The following VPS37A variants were observed in gnomAD, a reference collection of about 807,000 sequenced individuals.
VPS37A encodes vacuolar protein sorting-associated protein 37A.
A neutral mutation model predicts 49.8 loss-of-function variants in VPS37A; 30 were observed. The observed-to-expected ratio is 0.60, with a 90% CI of 0.45 to 0.82. VPS37A has a LOEUF of 0.82. Among genes scored for constraint, VPS37A ranks in the 40% least tolerant of loss-of-function variants. The pLI is 0.00. For missense variants in VPS37A, 593 were observed against 464.4 expected, an observed-to-expected ratio of 1.28 and a Z score of -2.55; for synonymous variants, 195 against 160.6, an observed-to-expected ratio of 1.21 and a Z score of -1.62.
At chr8:17,305,736 C>T (rs753869595), downstream of VPS37A, 14 of 1,579,976 alleles carry the variant, frequency 8.9e-6, no homozygotes, top group African/African-American at 2.7e-5. Flanking sequence ...AGTTAAACAC[C>T]AAAAACACCA....
chr8:17,273,044 T>G (rs1814156949), intron 4 of VPS37A, among the ~76,000 whole-genome samples: 1 of 148,342 alleles, frequency 6.7e-6, no homozygotes, highest in Non-Finnish European at 1.5e-5. Flanking sequence ...TTTTTTTTTT[T>G]TTTTGGTGGA....
the VPS37A span, among the ~76,000 whole-genome samples, chr8:17,332,209 G>T: frequency 0.12 from 17,404 of 146,318 alleles, 1,306 homozygotes; most frequent in East Asian, 0.32. Context: ...CCTACACTGA[G>T]AACTCACCAC....
In VPS37A at chr8:17,276,447, T is replaced by C. The variant is rs1325136297; in HGVS notation, c.693T>C (p.Phe231=). 1.9e-6 allele frequency: 3 copies of C among 1,612,018 alleles called. No individual in the cohort carries two copies. The African/African-American group carries it at 4.0e-5, about 22-fold the overall frequency. The stretch of plus-strand genomic sequence containing the variant: ...AGATGCCAGATGTCCCTGATGCATT[T>C]CCAGAACTCTCAGAACTAAGGTAAA... The part of the protein sequence containing the change: ...GYKMPDVPDA[F]PELSELSVSQ... Residue 231 remains phenylalanine (F), a synonymous_variant, in exon 6 of 12, where the codon TTT becomes TTC. Coordinates refer to ENST00000324849, the MANE Select transcript of VPS37A (RefSeq NM_152415.3).
chr8:17,260,083 G>C (rs1378495306), intron 1 of VPS37A, among the ~76,000 whole-genome samples: 1 of 151,960 alleles, frequency 6.6e-6, no homozygotes, highest in Non-Finnish European at 1.5e-5. Flanking sequence ...TGATAAGTAA[G>C]GACTTCTTCC....
At chr8:17,270,747 C>T (rs1027067657) in intron 4 of VPS37A, among the ~76,000 whole-genome samples, 5 of 152,040 alleles carry the variant, frequency 3.3e-5, no homozygotes, top group South Asian at 2.1e-4. Flanking sequence ...TCCTCCTAGC[C>T]GTAAGAATTC....
downstream of VPS37A, chr8:17,299,755 T>G (rs1490864846): frequency 6.1e-6 from 9 of 1,474,920 alleles, no homozygotes; most frequent in Admixed American, 8.5e-5. Flanking sequence ...TTAAAGTAGT[T>G]CTCAATGACA....
At chr8:17,303,400 C>T (rs1270096939), downstream of VPS37A, among the ~76,000 whole-genome samples, 1 of 152,170 alleles carries the variant, frequency 6.6e-6, no homozygotes, top group African/African-American at 2.4e-5. Flanking sequence ...GGAGAAAAGC[C>T]ATCAAGTCTG....
At chr8:17,307,152 C>T (rs905993845), downstream of VPS37A, among the ~76,000 whole-genome samples, 4 of 151,818 alleles carry the variant, frequency 2.6e-5, no homozygotes, top group African/African-American at 9.7e-5. Context: ...TGACAAAGGG[C>T]TAAAATCCAG....
chr8:17,277,359 A>T (rs943151801), intron 6 of VPS37A, among the ~76,000 whole-genome samples: 1 of 152,126 alleles, frequency 6.6e-6, no homozygotes, highest in Admixed American at 6.6e-5. Flanking sequence ...ATTTAATAAG[A>T]TTATCTTTTT....
chr8:17,309,820 G>A, the VPS37A span, among the ~76,000 whole-genome samples: 1 of 152,000 alleles, frequency 6.6e-6, no homozygotes, highest in African/African-American at 2.4e-5. Flanking sequence ...AAAAACAACT[G>A]GGAAGTTTTT....
At chr8:17,304,871 C>A (rs1233902426), downstream of VPS37A, among the ~76,000 whole-genome samples, 1 of 151,944 alleles carries the variant, frequency 6.6e-6, no homozygotes, top group Non-Finnish European at 1.5e-5. Context: ...CTCATTTAAT[C>A]CTCACTGAGT....
At chr8:17,299,976 T>A (rs768239482), downstream of VPS37A, 12 of 1,614,010 alleles carry the variant, frequency 7.4e-6, no homozygotes, top group Non-Finnish European at 1.0e-5. Context: ...CCCCGGACTC[T>A]TGGTCACTGT....
rs953692714 is a variant in VPS37A, at chr8:17,295,202, T to C, written c.*216T>C. 2 of 152,710 alleles carry C rather than the reference T, an allele frequency of 1.3e-5. No homozygotes were observed. Among genetic ancestry groups the C allele is most frequent in the African/African-American group, 2.4e-5 (1 of 41,478 alleles). 9.5% of individuals were successfully genotyped at this position (152,710 alleles called of 1,614,324 possible). On this transcript the variant is annotated 3_prime_UTR_variant, in exon 12 of 12. Coordinates refer to ENST00000324849, the MANE Select transcript of VPS37A (RefSeq NM_152415.3). ...TGCACTATTTGCACTGAAATGTTTA[T>C]TTATTGTTGATAAATTGTATCATAT... is the stretch of plus-strand genomic sequence containing the variant.
At position 17,280,371 on chromosome 8, in the gene VPS37A, T is replaced by C. The variant is rs1320720356; in HGVS notation, c.901-4T>C. ...TAAAACAACCTTTTCATTTTCTCTT[T>C]TAGTATGAATTACTTACACAGATGA... On this transcript the variant is annotated splice_polypyrimidine_tract_variant and splice_region_variant and intron_variant, in intron 8 of 11. Coordinates refer to ENST00000324849, the MANE Select transcript of VPS37A (RefSeq NM_152415.3). 2 of 1,604,420 alleles carry C rather than the reference T, an allele frequency of 1.2e-6. No homozygotes were observed. The highest frequency in any genetic ancestry group is 1.7e-6 in the Non-Finnish European group (2 of 1,177,238).
chr8:17,300,287 C>T (rs1287107309), downstream of VPS37A: 3 of 1,493,466 alleles, frequency 2.0e-6, no homozygotes, highest in Non-Finnish European at 2.7e-6. Flanking sequence ...TCTATATATG[C>T]ATGTCTTTAG....
chr8:17,318,677 C>A, the VPS37A span, among the ~76,000 whole-genome samples: 3 of 152,190 alleles, frequency 2.0e-5, no homozygotes, highest in Admixed American at 6.5e-5. Flanking sequence ...AGGTTAGGGT[C>A]TGCTACAGGT....
At chr8:17,257,032 T>C (rs11784507) in intron 1 of VPS37A, among the ~76,000 whole-genome samples, 5,419 of 152,298 alleles carry the variant, frequency 0.036, 154 homozygotes, top group Non-Finnish European at 0.051. Context: ...TTCCTCAATG[T>C]TTTCTTCTAG....
intron 1 of VPS37A, among the ~76,000 whole-genome samples, chr8:17,250,922 C>T (rs1486807298): frequency 6.6e-6 from 1 of 152,188 alleles, no homozygotes; most frequent in African/African-American, 2.4e-5. Flanking sequence ...AATTATGCCT[C>T]CTGGGCTCAA....
intron 1 of VPS37A, among the ~76,000 whole-genome samples, chr8:17,264,813 A>G (rs1185715165): frequency 1.3e-5 from 2 of 152,202 alleles, no homozygotes; most frequent in Non-Finnish European, 2.9e-5. Context: ...AATACTACTT[A>G]GCATTTTCCC....
Sources: gnomAD v4.1 joint callset for allele counts (sites outside exome capture counted in the v4.1 genomes callset) on GRCh38, gnomAD v4.1.1 for gene constraint, MANE v1.5 for transcripts, NCBI Gene and HGNC (gene_info 2026-07-23, HGNC 2026-07-21) for gene names.